The following MAST2 variants were observed in gnomAD, a reference collection of about 807,000 sequenced individuals.
The protein encoded by MAST2 is microtubule-associated serine/threonine-protein kinase 2.
In MAST2, 70 loss-of-function variants were observed where a neutral mutation model predicts 147.4. The observed-to-expected ratio is 0.47, with a 90% CI of 0.39 to 0.58. MAST2 has a LOEUF of 0.58. MAST2 is among the 20% of genes least tolerant of loss of function. The probability of loss-of-function intolerance (pLI) is 0.00; values close to 1 mark genes in which losing one functional copy is unlikely to be tolerated. For synonymous variants in MAST2, 869 were observed against 896.8 expected (o/e 0.97, Z 0.55); for missense variants, 2,080 against 2,302.3 (o/e 0.90, Z 1.98).
At chr1:45,824,288 G>A (rs1644725527) in intron 1 of MAST2, 145 bp from the exon 2 acceptor site, 1 of 497,830 alleles carries the variant, frequency 2.0e-6, no homozygotes, top group East Asian at 3.3e-5. Flanking sequence ...TAAGAAATAT[G>A]TTTCTGGTTT....
chr1:45,921,230 G>A (rs1031918048), intron 4 of MAST2, among the ~76,000 whole-genome samples: 2 of 152,130 alleles, frequency 1.3e-5, no homozygotes, highest in Admixed American at 6.5e-5. Flanking sequence ...CCCTGACCTC[G>A]TGATTCACCC....
At chr1:45,907,463 CTT>C (rs59039717) in intron 4 of MAST2, among the ~76,000 whole-genome samples, 7 of 140,834 alleles carry the variant, frequency 5.0e-5, no homozygotes, top group African/African-American at 2.6e-5. Context: ...GCCATTTTAA[CTT>C]TTTTTTTTTT....
intron 4 of MAST2, among the ~76,000 whole-genome samples, chr1:45,928,058 A>G (rs2148689448): frequency 6.6e-6 from 1 of 152,322 alleles, no homozygotes; most frequent in South Asian, 2.1e-4. Context: ...AATTTTATTT[A>G]CTAAATTTTA....
chr1:45,858,324 A>G (rs1645861194), intron 3 of MAST2, among the ~76,000 whole-genome samples: 2 of 152,140 alleles, frequency 1.3e-5, no homozygotes, highest in Admixed American at 6.5e-5. Flanking sequence ...ATGAGATGGT[A>G]TCTCATTGTG....
chr1:45,987,399 A>G (rs944274833), intron 5 of MAST2, among the ~76,000 whole-genome samples: 1 of 152,010 alleles, frequency 6.6e-6, no homozygotes, highest in Admixed American at 6.6e-5. Flanking sequence ...CTGAAGCTTC[A>G]ACCTCCTGGG....
At chr1:46,017,512 T>C (rs1317492481) in intron 10 of MAST2, among the ~76,000 whole-genome samples, 17 of 152,188 alleles carry the variant, frequency 1.1e-4, no homozygotes, top group Admixed American at 9.8e-4. Flanking sequence ...GCGAAGGACA[T>C]GAGCAGACAC....
At chr1:45,889,029 T>C (rs910313522) in intron 4 of MAST2, among the ~76,000 whole-genome samples, 5 of 152,120 alleles carry the variant, frequency 3.3e-5, no homozygotes, top group Admixed American at 3.3e-4. Flanking sequence ...GTCACAGCCA[T>C]TGTAATCTCT....
intron 5 of MAST2, among the ~76,000 whole-genome samples, chr1:45,972,551 C>T (rs1315139480): frequency 6.6e-6 from 1 of 152,190 alleles, no homozygotes. Context: ...AGCCAGTAAT[C>T]CATCCCTCTT....
intron 5 of MAST2, among the ~76,000 whole-genome samples, chr1:45,995,895 G>A (rs1022330049): frequency 6.6e-6 from 1 of 152,150 alleles, no homozygotes; most frequent in Admixed American, 6.5e-5. Flanking sequence ...TTCAGGCAGT[G>A]AACATATGTA....
chr1:45,890,449 G>A (rs1257006037), intron 4 of MAST2, among the ~76,000 whole-genome samples: 1 of 152,162 alleles, frequency 6.6e-6, no homozygotes, highest in Non-Finnish European at 1.5e-5. Context: ...TGCTCACATG[G>A]CCTTTATGTG....
intron 3 of MAST2, among the ~76,000 whole-genome samples, chr1:45,876,227 T>A (rs1646601249): frequency 6.6e-6 from 1 of 152,142 alleles, no homozygotes; most frequent in South Asian, 2.1e-4. Flanking sequence ...CTAGGGATAT[T>A]TATAGAGTGT....
At position 46,010,713 on chromosome 1, in the gene MAST2, C is replaced by T; in HGVS notation, c.979-17C>T. The T allele has an allele frequency of 1.9e-6, 3 of 1,610,582 alleles. No homozygotes were observed. Among genetic ancestry groups the T allele is most frequent in the Non-Finnish European group, 2.5e-6 (3 of 1,178,618 alleles). The stretch of plus-strand genomic sequence containing the variant: ...GGAACTAGAAGGGAAGTGTTTCTTT[C>T]TTGCTTTTCTTCCCAGGCCACCGCA... On this transcript the variant is annotated splice_polypyrimidine_tract_variant and intron_variant, in intron 9 of 28. Transcript: ENST00000361297.
intron 3 of MAST2, among the ~76,000 whole-genome samples, chr1:45,862,192 A>G (rs1313458812): frequency 1.3e-5 from 2 of 152,354 alleles, no homozygotes; most frequent in Non-Finnish European, 2.9e-5. Context: ...CAGGTTACAC[A>G]CTACTCTGTG....
chr1:45,895,077 A>G (rs1411485590), intron 4 of MAST2, among the ~76,000 whole-genome samples: 5 of 152,196 alleles, frequency 3.3e-5, no homozygotes, highest in African/African-American at 1.2e-4. Flanking sequence ...CATCTTCCAC[A>G]TCTTGGCCTC....
intron 12 of MAST2, 92 bp downstream of exon 12, chr1:46,022,174 G>A: frequency 6.5e-7 from 1 of 1,532,918 alleles, no homozygotes; most frequent in East Asian, 2.3e-5. Flanking sequence ...GACTTAGCTT[G>A]GACATGGACA....
rs1377233223 is a variant in MAST2 at position 46,035,757 on chromosome 1, C to CCTGT, written c.5091_5094dup (p.Pro1699ValfsTer12). The CCTGT allele has an allele frequency of 8.1e-6, 13 of 1,613,972 alleles. No individual in the cohort carries two copies. Among genetic ancestry groups the CCTGT allele is most frequent in the Non-Finnish European group, 1.1e-5 (13 of 1,180,034 alleles). Reference sequence around the variant, plus strand: ...ACACAACTCCAGCCCAGCCTAAGAACCTGTCTCCCAGGGAGCAGGGGAAGA... The same window carrying CCTGT: ...ACACAACTCCAGCCCAGCCTAAGAACCTGTCTGTCTCCCAGGGAGCAGGGGAAGA... On this transcript the variant is annotated frameshift_variant, in exon 29 of 29. Coordinates refer to ENST00000361297, the MANE Select transcript of MAST2 (RefSeq NM_015112.3). LOFTEE classifies it low-confidence loss of function (END_TRUNC). The surrounding 1 kb of genome is among the most constrained non-coding windows in gnomAD (Gnocchi z 5.5).
At chr1:45,917,528 G>A (rs926538061) in intron 4 of MAST2, 26 of 1,366,296 alleles carry the variant, frequency 1.9e-5, no homozygotes, top group Middle Eastern at 2.1e-4. Flanking sequence ...GCCCACTGCC[G>A]TGGAGGTAAG....
In MAST2 at chr1:46,031,535, A is replaced by G; in HGVS notation, c.3137A>G (p.Lys1046Arg). ...TEKRTARPVN[K>R]VIKSASATAL... ...AAGCGCACTGCTCGCCCTGTCAACA[A>G]AGTGATCAAGTCCGCCTCAGCCACA... Residue 1046 changes from lysine to arginine, a missense_variant, in exon 24 of 29, where the codon AAA becomes AGA. Transcript: ENST00000361297. The surrounding 1 kb of genome is among the most constrained non-coding windows in gnomAD (Gnocchi z 4.1). 6.2e-7 allele frequency: 1 copy of G among 1,614,114 alleles called. No homozygotes were observed. The highest frequency in any genetic ancestry group is 8.5e-7 in the Non-Finnish European group (1 of 1,179,976).
intron 3 of MAST2, among the ~76,000 whole-genome samples, chr1:45,841,615 A>G (rs1645279767): frequency 6.6e-6 from 1 of 152,136 alleles, no homozygotes; most frequent in African/African-American, 2.4e-5. Flanking sequence ...TCTGCTGGGC[A>G]AGGTGTCAGA....
Sources: gnomAD v4.1 joint callset for allele counts (sites outside exome capture counted in the v4.1 genomes callset) on GRCh38, gnomAD v4.1.1 for gene constraint, Gnocchi (gnomAD v3.1) non-coding constraint, MANE v1.5 for transcripts, NCBI Gene and HGNC (gene_info 2026-07-23, HGNC 2026-07-21) for gene names.